PLBD2: variants seen among roughly 807,000 people sequenced by gnomAD.
PLBD2 encodes the protein putative aminopeptidase PLBD2.
In PLBD2, 51 loss-of-function variants were observed where a neutral mutation model predicts 68.3. That is an observed-to-expected ratio of 0.75 (90% CI 0.60 to 0.94). The LOEUF is 0.94. Ranked by LOEUF, PLBD2 falls within the 40% of genes least tolerant of loss-of-function variation. The pLI is 0.00. For missense variants in PLBD2, 729 were observed against 792.2 expected (o/e 0.92, Z 0.96); for synonymous variants, 314 against 339.3 (o/e 0.93, Z 0.82).
In PLBD2 at chr12:113,386,073, GCCTTTTGGGC is replaced by G. The variant is rs562849525; in HGVS notation, c.1286+793_1286+802del. 1.7e-3 allele frequency among the ~76,000 whole-genome samples: 253 copies of G among 152,360 alleles called. 1 individual carries two copies. The highest frequency in any genetic ancestry group is 5.9e-3 in the African/African-American group (247 of 41,586). ...GACTGAAGGCAGGATTTGATGCCAT[GCCTTTTGGGC>G]CCCAGAGCCCAAGCTTGGCCACCCC... On this transcript the variant is annotated intron_variant, in intron 9 of 11. Transcript: ENST00000280800.
chr12:113,388,264 C>T (rs1377689493), intron 11 of PLBD2, among the ~76,000 whole-genome samples, 195 bp from the exon 12 acceptor site: 4 of 152,054 alleles, frequency 2.6e-5, no homozygotes, highest in East Asian at 1.9e-4. Context: ...ATTGCTTGAA[C>T]CCGGGAGGCA....
chr12:113,358,666 G>A lies in PLBD2; in HGVS notation c.66G>A (p.Ala22=), dbSNP rs978342786. The A allele has an allele frequency of 1.4e-6, 2 of 1,459,542 alleles. No individual in the cohort carries two copies. The highest frequency in any genetic ancestry group is 3.0e-5 in the East Asian group (1 of 33,014). The allele number at this position is 1,459,542 out of a possible 1,614,324, so 90.4% of individuals were successfully genotyped here. ...CCCGGGCGCTGACGCGGGCGCTGGC[G>A]CTGGCCCTGGTGCTGGCCCTGCTGG... is the stretch of plus-strand genomic sequence containing the variant. The part of the protein sequence containing the change: ...HLARALTRAL[A]LALVLALLVG... Residue 22 remains alanine (A), a synonymous_variant, in exon 1 of 12, where the codon GCG becomes GCA. Coordinates refer to ENST00000280800, the MANE Select transcript of PLBD2 (RefSeq NM_173542.4).
chr12:113,388,788 G>A lies in PLBD2; in HGVS notation c.*162G>A, dbSNP rs1957578709. 3.5e-5 allele frequency: 25 copies of A among 719,892 alleles called. No homozygotes were observed. Among genetic ancestry groups the A allele is most frequent in the Non-Finnish European group, 5.3e-5 (25 of 474,136 alleles). The allele number at this position is 719,892 out of a possible 1,614,324, so 44.6% of individuals were successfully genotyped here. On this transcript the variant is annotated 3_prime_UTR_variant, in exon 12 of 12. Coordinates refer to ENST00000280800, the MANE Select transcript of PLBD2 (RefSeq NM_173542.4). Reference sequence around the variant, plus strand: ...CTAGAGTGGGTCACGAACCTGATGGGGCTCAGAACTGACCCCCTCTCTCCC... The same window carrying A: ...CTAGAGTGGGTCACGAACCTGATGGAGCTCAGAACTGACCCCCTCTCTCCC...
intron 1 of PLBD2, among the ~76,000 whole-genome samples, chr12:113,361,314 T>C (rs982993632): frequency 6.6e-6 from 1 of 151,682 alleles, no homozygotes; most frequent in Non-Finnish European, 1.5e-5. Flanking sequence ...GTCTTTTTTA[T>C]TTTTTAAAAA....
In PLBD2 at chr12:113,380,777, G is replaced by GTCTTCTCCTCCTACCCCGGCACCA. The variant is rs1430055237; in HGVS notation, c.902_925dup (p.Ser301_Ser308dup). 3 of 1,554,470 alleles carry GTCTTCTCCTCCTACCCCGGCACCA rather than the reference G, an allele frequency of 1.9e-6. No homozygotes were observed. The highest frequency in any genetic ancestry group is 1.7e-4 in the Middle Eastern group (1 of 6,018). On this transcript the variant is annotated inframe_insertion, in exon 6 of 12. Transcript: ENST00000280800. The stretch of plus-strand genomic sequence containing the variant: ...CCCGCTGGTTCCCGGCAACAAGCTG[G>GTCTTCTCCTCCTACCCCGGCACCA]TCTTCTCCTCCTACCCCGGCACCAT...
intron 8 of PLBD2, 117 bp from the exon 9 acceptor site, chr12:113,385,095 T>A (rs1170746422): frequency 1.5e-6 from 2 of 1,341,092 alleles, no homozygotes; most frequent in Non-Finnish European, 2.1e-6. Flanking sequence ...GGGCTGAAGT[T>A]CAGGACTTAA....
chr12:113,388,377 T>A, intron 11 of PLBD2, 82 bp from the exon 12 acceptor site: 1 of 1,341,170 alleles, frequency 7.5e-7, no homozygotes, highest in Non-Finnish European at 9.8e-7. Context: ...GGCTCTGGGG[T>A]CAAGGTCAGG....
At position 113,372,389 on chromosome 12, in the gene PLBD2, G is replaced by A. The variant is rs1050567014; in HGVS notation, c.385-260G>A. The stretch of plus-strand genomic sequence containing the variant: ...ACTAACTGAACACACATATAGATTG[G>A]GGTCCCCAGTAGCAGAGGTGGTGCC... On this transcript the variant is annotated intron_variant, in intron 2 of 11. Coordinates refer to ENST00000280800, the MANE Select transcript of PLBD2 (RefSeq NM_173542.4). The surrounding 1 kb of genome is among the most constrained non-coding windows in gnomAD (Gnocchi z 4.2). 1.3e-5 allele frequency among the ~76,000 whole-genome samples: 2 copies of A among 152,152 alleles called. No homozygotes were observed. The highest frequency in any genetic ancestry group is 3.8e-4 in the East Asian group (2 of 5,200).
intron 6 of PLBD2, among the ~76,000 whole-genome samples, chr12:113,382,354 A>G (rs1957498917): frequency 1.3e-5 from 2 of 152,224 alleles, no homozygotes. Flanking sequence ...TGATGGAAAA[A>G]CATCTGTGAT....
chr12:113,369,241 A>G, intron 2 of PLBD2, 32 bp downstream of exon 2: 1 of 1,494,360 alleles, frequency 6.7e-7, no homozygotes, highest in Non-Finnish European at 9.0e-7. Context: ...TGGGGCTCCC[A>G]CCCTGCCCCA....
chr12:113,374,902 C>A lies in PLBD2; in HGVS notation c.754C>A (p.Pro252Thr). Residue 252 changes from proline (P) to threonine (T), a missense_variant, in exon 5 of 12, where the codon CCT (proline) becomes ACT (threonine). Transcript: ENST00000280800. ...GSCSALIKLL[P>T]GQSDLLVAHN... ...CTGTTCTGCCCTCATCAAGCTGCTC[C>A]CTGGCCAGAGTGACCTCCTGGTTGC... 6.2e-7 allele frequency: 1 copy of A among 1,614,136 alleles called. No individual in the cohort carries two copies. Among genetic ancestry groups the A allele is most frequent in the Non-Finnish European group, 8.5e-7 (1 of 1,180,036 alleles).
In PLBD2 at chr12:113,384,973, G is replaced by A; in HGVS notation, c.1214+27G>A. 1.9e-6 allele frequency: 3 copies of A among 1,578,098 alleles called. No homozygotes were observed. The highest frequency in any genetic ancestry group is 2.6e-6 in the Non-Finnish European group (3 of 1,154,300). Reference sequence around the variant, plus strand: ...TGCGTACCCTGGGAGGGAGGGGTGGGGGCTCGGGGCAGAGGGGACTGCCAG... The same window carrying A: ...TGCGTACCCTGGGAGGGAGGGGTGGAGGCTCGGGGCAGAGGGGACTGCCAG... On this transcript the variant is annotated intron_variant, in intron 8 of 11. Coordinates refer to ENST00000280800, the MANE Select transcript of PLBD2 (RefSeq NM_173542.4). This position sits in a 1 kb window ranked among gnomAD's most constrained non-coding sequence, Gnocchi z 4.2.
Position 113,372,366 on chromosome 12 carries a change from T to C in PLBD2, c.385-283T>C, listed in dbSNP as rs1957396691. On this transcript the variant is annotated intron_variant, in intron 2 of 11. Transcript: ENST00000280800. The surrounding 1 kb of genome is among the most constrained non-coding windows in gnomAD (Gnocchi z 4.2). ...AAAAAAAAAACATTCATGGATTGAC[T>C]AACTGAACACACATATAGATTGGGG... Among the ~76,000 whole-genome samples, 1 of 152,132 alleles carries C rather than the reference T, an allele frequency of 6.6e-6. No individual in the cohort carries two copies. The highest frequency in any genetic ancestry group is 6.6e-5 in the Admixed American group (1 of 15,266).
chr12:113,380,918 C>G lies in PLBD2; in HGVS notation c.957+76C>G, dbSNP rs546257313. On this transcript the variant is annotated intron_variant, in intron 6 of 11. Transcript: ENST00000280800. ...CGGCTCTGAGCTGGCAGGATTGATT[C>G]CTGCGGCAAGTGGGGACCAGGCTGC... 6.5e-5 allele frequency: 90 copies of G among 1,392,144 alleles called. No homozygotes were observed. The Admixed American group carries it at 1.7e-3, about 26-fold the overall frequency. 86.2% of individuals were successfully genotyped at this position (1,392,144 alleles called of 1,614,324 possible).
chr12:113,381,846 G>A (rs1046871883), intron 6 of PLBD2, among the ~76,000 whole-genome samples: 2 of 151,758 alleles, frequency 1.3e-5, no homozygotes, highest in Admixed American at 1.3e-4. Flanking sequence ...CATAGAGATA[G>A]GGTCTCTCTC....
intron 5 of PLBD2, among the ~76,000 whole-genome samples, chr12:113,375,949 G>A (rs898928364): frequency 6.6e-6 from 1 of 152,088 alleles, no homozygotes; most frequent in African/African-American, 2.4e-5. Context: ...TGCCTCCCGG[G>A]TTCAGGCAAT....
intron 5 of PLBD2, among the ~76,000 whole-genome samples, chr12:113,378,964 G>A (rs1261291458): frequency 1.3e-5 from 2 of 152,134 alleles, no homozygotes; most frequent in East Asian, 3.8e-4. Flanking sequence ...GTGAGCCACT[G>A]TGCCCGGCCT....
In PLBD2 at chr12:113,372,277, G is replaced by A. The variant is rs1045696134; in HGVS notation, c.385-372G>A. On this transcript the variant is annotated intron_variant, in intron 2 of 11. Transcript: ENST00000280800. The surrounding 1 kb of genome is among the most constrained non-coding windows in gnomAD (Gnocchi z 4.2). ...ATTCTCTTGCCCAGTGGAATCAGAA[G>A]GGTTATTGCTGTTTTGTTCCCTGCT... Among the ~76,000 whole-genome samples the A allele has an allele frequency of 5.3e-5, 8 of 152,092 alleles. No individual in the cohort carries two copies. Among genetic ancestry groups the A allele is most frequent in the African/African-American group, 1.7e-4 (7 of 41,424 alleles).
intron 5 of PLBD2, among the ~76,000 whole-genome samples, chr12:113,380,338 T>G (rs1430078128): frequency 6.6e-6 from 1 of 152,140 alleles, no homozygotes; most frequent in East Asian, 1.9e-4. Context: ...GGTTTCACCG[T>G]GTTAGCCAGG....
Sources: allele counts gnomAD v4.1 joint callset (sites outside exome capture counted in the v4.1 genomes callset), GRCh38; gene constraint gnomAD v4.1.1; non-coding constraint Gnocchi (gnomAD v3.1); transcripts MANE v1.5; gene names NCBI Gene and HGNC (gene_info 2026-07-23, HGNC 2026-07-21).